The following SYT17 variants were observed in gnomAD, a reference collection of about 807,000 sequenced individuals.
The protein encoded by SYT17 is synaptotagmin 17, also known as synaptotagmin-17.
In SYT17, 22 loss-of-function variants were observed where a neutral mutation model predicts 46.7. The observed-to-expected ratio is 0.47, with a 90% CI of 0.34 to 0.67. The LOEUF (loss-of-function observed/expected upper bound fraction) is 0.67. Ranked by LOEUF, SYT17 falls within the 30% of genes least tolerant of loss-of-function variation. The probability of loss-of-function intolerance (pLI) is 0.01; values close to 1 mark genes in which losing one functional copy is unlikely to be tolerated. For missense variants in SYT17, 519 were observed against 612.8 expected, an observed-to-expected ratio of 0.85 and a Z score of 1.62; for synonymous variants, 251 against 248.4, an observed-to-expected ratio of 1.01 and a Z score of -0.10.
intron 7 of SYT17, among the ~76,000 whole-genome samples, chr16:19,235,340 A>G (rs1966839011): frequency 6.6e-6 from 1 of 152,188 alleles, no homozygotes; most frequent in African/African-American, 2.4e-5. Flanking sequence ...GACACATCTG[A>G]GGGGCAGATA....
chr16:19,258,365 G>C (rs959636944), intron 7 of SYT17, among the ~76,000 whole-genome samples: 5 of 152,160 alleles, frequency 3.3e-5, no homozygotes, highest in African/African-American at 9.7e-5. Flanking sequence ...AGGAGGCCAG[G>C]CACGGTGGCT....
At chr16:19,180,566 G>C (rs1168430520) in intron 4 of SYT17, 27 bp downstream of exon 4, 1 of 1,612,414 alleles carries the variant, frequency 6.2e-7, no homozygotes, top group Admixed American at 1.7e-5. Context: ...TACCTTTCTG[G>C]GGGCCCTGGC....
In SYT17 at chr16:19,183,783, T is replaced by C. The variant is rs377726394; in HGVS notation, c.587T>C (p.Leu196Pro). ...GMLHFSTQYD[L>P]LHNHLTVRVI... ...CTGCACTTCAGCACTCAGTACGACC[T>C]GCTGCACAACCACCTCACCGTGCGC... The change falls in exon 5 of 8, where the codon CTG (leucine) becomes CCG (proline). Residue 196 changes from leucine to proline, a missense_variant. Transcript: ENST00000355377. The surrounding 1 kb of genome is among the most constrained non-coding windows in gnomAD (Gnocchi z 5.6). The C allele has an allele frequency of 2.2e-4, 350 of 1,614,082 alleles. No individual in the cohort carries two copies. The highest frequency in any genetic ancestry group is 2.8e-4 in the Non-Finnish European group (336 of 1,180,042).
At chr16:19,233,610 C>T (rs973413207) in intron 7 of SYT17, among the ~76,000 whole-genome samples, 4 of 151,962 alleles carry the variant, frequency 2.6e-5, no homozygotes, top group African/African-American at 9.7e-5. Flanking sequence ...GAGCTAGGAT[C>T]ATGCCACTGC....
chr16:19,244,181 C>A (rs1477826627), intron 7 of SYT17, among the ~76,000 whole-genome samples: 1 of 152,118 alleles, frequency 6.6e-6, no homozygotes, highest in Non-Finnish European at 1.5e-5. Context: ...GATGTTATCC[C>A]ATTTTACAGG....
At chr16:19,185,773 C>T (rs374181809) in intron 5 of SYT17, among the ~76,000 whole-genome samples, 24 of 152,294 alleles carry the variant, frequency 1.6e-4, no homozygotes, top group African/African-American at 5.1e-4. Context: ...CACCTCGCAG[C>T]GAGGGCCTGG....
At chr16:19,251,823 A>G (rs8049503) in intron 7 of SYT17, among the ~76,000 whole-genome samples, 3,043 of 152,178 alleles carry the variant, frequency 0.02, 85 homozygotes, top group African/African-American at 0.07. Flanking sequence ...TTCTTCCTAG[A>G]CTGCTGTGAG....
At chr16:19,184,441 C>T (rs987686770) in intron 5 of SYT17, among the ~76,000 whole-genome samples, 57 of 151,540 alleles carry the variant, frequency 3.8e-4, no homozygotes, top group African/African-American at 1.2e-3. Context: ...GCTGGAGCGC[C>T]GTGGCGTGAT....
chr16:19,204,322 G>A lies in SYT17; in HGVS notation c.952-18723G>A, dbSNP rs535931934. On this transcript the variant is annotated intron_variant, in intron 5 of 7. Transcript: ENST00000355377. ...TGATTTGAGAATGTTTGAGAACAGGGCAAGGTGACCTTAGATGTGGTGGGG... is the reference window on the plus strand; with the variant it reads ...TGATTTGAGAATGTTTGAGAACAGGACAAGGTGACCTTAGATGTGGTGGGG... Among the ~76,000 whole-genome samples, 11 of 152,260 alleles carry A rather than the reference G, an allele frequency of 7.2e-5. No individual in the cohort carries two copies. In the South Asian group the frequency reaches 1.9e-3, roughly 26 times the overall value.
At chr16:19,222,477 G>C (rs553292963) in intron 5 of SYT17, among the ~76,000 whole-genome samples, 1 of 152,254 alleles carries the variant, frequency 6.6e-6, no homozygotes, top group South Asian at 2.1e-4. Context: ...CTATCGTGAG[G>C]TTAGAAGCGT....
chr16:19,227,435 C>T (rs1304234587), intron 7 of SYT17, among the ~76,000 whole-genome samples: 3 of 151,732 alleles, frequency 2.0e-5, no homozygotes, highest in Non-Finnish European at 4.4e-5. Flanking sequence ...CGTGCCTCAG[C>T]CTCCTCAGTA....
chr16:19,259,466 T>C (rs1968809438), intron 7 of SYT17, among the ~76,000 whole-genome samples: 1 of 152,208 alleles, frequency 6.6e-6, no homozygotes, highest in South Asian at 2.1e-4. Flanking sequence ...GTTATTTGCC[T>C]CTTCACCAAA....
chr16:19,246,278 C>T (rs548585610), intron 7 of SYT17, among the ~76,000 whole-genome samples: 3 of 152,020 alleles, frequency 2.0e-5, no homozygotes, highest in South Asian at 2.1e-4. Context: ...AGGTGTGAGC[C>T]GCCATATCTG....
At chr16:19,263,564 C>T (rs987042591) in intron 7 of SYT17, among the ~76,000 whole-genome samples, 7 of 143,492 alleles carry the variant, frequency 4.9e-5, no homozygotes, top group African/African-American at 1.1e-4. Flanking sequence ...CACTTGAGCC[C>T]GGGAGGCAGA....
intron 5 of SYT17, among the ~76,000 whole-genome samples, chr16:19,188,896 C>CT (rs899765381): frequency 1.1e-4 from 16 of 151,402 alleles, no homozygotes; most frequent in South Asian, 2.1e-4. Context: ...CTCTTCTCTT[C>CT]TTTTTTTTTG....
intron 6 of SYT17, among the ~76,000 whole-genome samples, chr16:19,224,422 A>G (rs974264518): frequency 3.9e-5 from 6 of 152,148 alleles, no homozygotes; most frequent in Non-Finnish European, 8.8e-5. Flanking sequence ...TAGATGAGAA[A>G]TTGGATGGAT....
intron 7 of SYT17, among the ~76,000 whole-genome samples, chr16:19,240,299 G>A (rs1053895166): frequency 2.0e-5 from 3 of 151,274 alleles, no homozygotes; most frequent in Non-Finnish European, 4.4e-5. Flanking sequence ...TGAGCAAGAC[G>A]AAGAGGAGCT....
intron 7 of SYT17, among the ~76,000 whole-genome samples, chr16:19,258,277 C>T (rs1029568618): frequency 3.3e-5 from 5 of 151,692 alleles, no homozygotes; most frequent in Non-Finnish European, 4.4e-5. Context: ...AGGTGGGGGG[C>T]GGGAAGGGTG....
chr16:19,211,357 G>A (rs1965893353), intron 5 of SYT17: 1 of 701,634 alleles, frequency 1.4e-6, no homozygotes, highest in African/African-American at 1.7e-5. Context: ...CAGCCTCTGT[G>A]TTGGGGGCTG....
Sources: gnomAD v4.1 joint callset for allele counts (sites outside exome capture counted in the v4.1 genomes callset) on GRCh38, gnomAD v4.1.1 for gene constraint, Gnocchi (gnomAD v3.1) non-coding constraint, MANE v1.5 for transcripts, NCBI Gene and HGNC (gene_info 2026-07-23, HGNC 2026-07-21) for gene names.